EEPD1: variants seen among roughly 807,000 people sequenced by gnomAD.
EEPD1 encodes endonuclease/exonuclease/phosphatase family domain containing 1, also known as endonuclease/exonuclease/phosphatase family domain-containing protein 1.
In EEPD1, 17 loss-of-function variants were observed where a neutral mutation model predicts 46.3. That is an observed-to-expected ratio of 0.37 (90% CI 0.25 to 0.55). The LOEUF is 0.55. Ranked by LOEUF, EEPD1 falls within the 20% of genes least tolerant of loss-of-function variation. The pLI, the probability that EEPD1 is intolerant of heterozygous loss-of-function variation, is 0.83. For missense variants in EEPD1, 673 were observed against 745.6 expected (o/e 0.90, Z 1.13); for synonymous variants, 313 against 315.6 (o/e 0.99, Z 0.09).
chr7:36,185,311 C>T lies in EEPD1; in HGVS notation c.878+30109C>T, dbSNP rs181660804. Among the ~76,000 whole-genome samples, 836 of 152,350 alleles carry T rather than the reference C, an allele frequency of 5.5e-3. 34 individuals carry two copies. The highest frequency in any genetic ancestry group is 0.05 in the Admixed American group (758 of 15,298). On this transcript the variant is annotated intron_variant, in intron 2 of 7. Transcript: ENST00000242108. ...CTCTGGTTCCTGAGGCCCCTGCCTG[C>T]TGTTGCATGTAACTGTAATTTACTC...
chr7:36,257,545 T>A (rs1786846081), intron 3 of EEPD1, among the ~76,000 whole-genome samples: 1 of 152,224 alleles, frequency 6.6e-6, no homozygotes, highest in Non-Finnish European at 1.5e-5. Flanking sequence ...TTCTCTAATC[T>A]TGTCTTCACG....
At chr7:36,244,767 A>ATT (rs140539379) in intron 3 of EEPD1, among the ~76,000 whole-genome samples, 74 of 108,388 alleles carry the variant, frequency 6.8e-4, no homozygotes, top group African/African-American at 1.0e-3. Context: ...TTCAGAGTTG[A>ATT]TTTTTTTTTT....
At chr7:36,207,202 A>C (rs947293893) in intron 2 of EEPD1, among the ~76,000 whole-genome samples, 3 of 152,226 alleles carry the variant, frequency 2.0e-5, no homozygotes, top group African/African-American at 7.2e-5. Context: ...CTAGTGGAAG[A>C]GGAAAACAAA....
intron 2 of EEPD1, among the ~76,000 whole-genome samples, chr7:36,159,620 C>CGA (rs1784872440): frequency 6.6e-6 from 1 of 152,236 alleles, no homozygotes; most frequent in African/African-American, 2.4e-5. Flanking sequence ...TCTGCTGCCT[C>CGA]TGACTCCCAG....
chr7:36,233,629 T>C (rs1055153807), intron 2 of EEPD1, among the ~76,000 whole-genome samples: 11 of 152,090 alleles, frequency 7.2e-5, no homozygotes, highest in Non-Finnish European at 1.2e-4. Flanking sequence ...CTGAAGAAAA[T>C]AACATATTGT....
chr7:36,249,213 A>G (rs1245366904), intron 3 of EEPD1, among the ~76,000 whole-genome samples: 3 of 152,186 alleles, frequency 2.0e-5, no homozygotes, highest in Non-Finnish European at 4.4e-5. Flanking sequence ...AAATTAAACC[A>G]TGAGGGTTCA....
chr7:36,272,454 T>C (rs994365727), intron 3 of EEPD1, among the ~76,000 whole-genome samples: 1 of 151,932 alleles, frequency 6.6e-6, no homozygotes, highest in African/African-American at 2.4e-5. Flanking sequence ...CACTGCATCT[T>C]GCTCTCAGTT....
Position 36,296,694 on chromosome 7 carries a change from CTTT to C in EEPD1, c.1316-278_1316-276del, listed in dbSNP as rs60706978. On this transcript the variant is annotated intron_variant, in intron 6 of 7. Transcript: ENST00000242108. ...AAATATTTGGGTAAGACCCTTAGGTCTTTTTTTTTTTTTTTTTTTTTTTGTGAT... is the reference window on the plus strand; with the variant it reads ...AAATATTTGGGTAAGACCCTTAGGTCTTTTTTTTTTTTTTTTTTTTGTGAT... Among the ~76,000 whole-genome samples, 123 of 83,134 alleles carry C rather than the reference CTTT, an allele frequency of 1.5e-3. 1 individual carries two copies. In the East Asian group the frequency reaches 0.025, roughly 17 times the overall value. The allele number at this position is 83,134 out of a possible 152,430, so 54.5% of individuals were successfully genotyped here.
At chr7:36,278,708 A>T (rs749857832) in intron 3 of EEPD1, among the ~76,000 whole-genome samples, 1 of 152,160 alleles carries the variant, frequency 6.6e-6, no homozygotes, top group African/African-American at 2.4e-5. Context: ...AGGAAATGGG[A>T]CCCTTTGTGA....
At chr7:36,212,408 T>C in intron 2 of EEPD1, among the ~76,000 whole-genome samples, 1 of 150,970 alleles carries the variant, frequency 6.6e-6, no homozygotes, top group Non-Finnish European at 1.5e-5. Context: ...CCCATATATA[T>C]GCAAAGATAT....
At chr7:36,224,322 G>A (rs937847636) in intron 2 of EEPD1, among the ~76,000 whole-genome samples, 1 of 152,162 alleles carries the variant, frequency 6.6e-6, no homozygotes, top group Admixed American at 6.5e-5. Context: ...GCCTTCCCAA[G>A]GTGGGTATGA....
intron 2 of EEPD1, among the ~76,000 whole-genome samples, chr7:36,197,304 C>T (rs1396935911): frequency 1.3e-5 from 2 of 149,894 alleles, no homozygotes; most frequent in East Asian, 4.0e-4. Flanking sequence ...GGGTCAGCCC[C>T]CCGCCCGGCC....
At position 36,176,756 on chromosome 7, in the gene EEPD1, G is replaced by A. The variant is rs142307446; in HGVS notation, c.878+21554G>A. Among the ~76,000 whole-genome samples the A allele has an allele frequency of 3.3e-3, 507 of 152,150 alleles. 1 individual carries two copies. The highest frequency in any genetic ancestry group is 0.012 in the African/African-American group (483 of 41,504). ...ATGCTTTTGACTCTATTATAAATACGATCCTAGATAAACCACCAATGCCAA... is the reference window on the plus strand; with the variant it reads ...ATGCTTTTGACTCTATTATAAATACAATCCTAGATAAACCACCAATGCCAA... On this transcript the variant is annotated intron_variant, in intron 2 of 7. Coordinates refer to ENST00000242108, the MANE Select transcript of EEPD1 (RefSeq NM_030636.3).
At chr7:36,277,766 G>T (rs957875582) in intron 3 of EEPD1, among the ~76,000 whole-genome samples, 2 of 152,066 alleles carry the variant, frequency 1.3e-5, no homozygotes, top group African/African-American at 2.4e-5. Flanking sequence ...CTCCCTCGTC[G>T]CTCAAGTTAT....
intron 3 of EEPD1, among the ~76,000 whole-genome samples, chr7:36,258,243 C>T (rs956225641): frequency 6.6e-6 from 1 of 152,172 alleles, no homozygotes; most frequent in African/African-American, 2.4e-5. Context: ...CCAGAGCTCT[C>T]CTGTATGAGG....
At position 36,300,310 on chromosome 7, in the gene EEPD1, C is replaced by T. The variant is rs1353913700; in HGVS notation, c.*1104C>T. On this transcript the variant is annotated 3_prime_UTR_variant, in exon 8 of 8. Transcript: ENST00000242108. The stretch of plus-strand genomic sequence containing the variant: ...AGGCATCTGCATCCCCGAGCCCAAG[C>T]CAGGAGGGATTTCCCTTAGGCAACA... 6.6e-6 allele frequency: 1 copy of T among 152,236 alleles called. No individual in the cohort carries two copies. Among genetic ancestry groups the T allele is most frequent in the Non-Finnish European group, 1.5e-5 (1 of 68,062 alleles). The allele number at this position is 152,236 out of a possible 1,614,324, so 9.4% of individuals were successfully genotyped here. A position where few individuals can be genotyped will look rare whatever the true frequency, so the allele number is the denominator to read the frequency against.
intron 2 of EEPD1, among the ~76,000 whole-genome samples, chr7:36,179,697 TAAAAAAA>T (rs56263813): frequency 2.3e-5 from 2 of 85,448 alleles, no homozygotes; most frequent in East Asian, 4.1e-4. Context: ...CTGTCTCTAC[TAAAAAAA>T]AAAAAAAAAA....
intron 3 of EEPD1, among the ~76,000 whole-genome samples, chr7:36,279,765 C>G (rs1021848412): frequency 1.3e-5 from 2 of 152,222 alleles, no homozygotes; most frequent in African/African-American, 4.8e-5. Context: ...AGCTGCTGAT[C>G]CAGTAGGTCT....
intron 2 of EEPD1, among the ~76,000 whole-genome samples, chr7:36,222,358 C>T (rs1313253873): frequency 6.6e-6 from 1 of 152,168 alleles, no homozygotes; most frequent in East Asian, 1.9e-4. Flanking sequence ...TCATCTTTAT[C>T]ATCTCCATGT....
Sources: allele counts gnomAD v4.1 joint callset (sites outside exome capture counted in the v4.1 genomes callset), GRCh38; gene constraint gnomAD v4.1.1; transcripts MANE v1.5; gene names NCBI Gene and HGNC (gene_info 2026-07-23, HGNC 2026-07-21).